Variants in MINDY2 observed in about 807,000 individuals in gnomAD.
The protein encoded by MINDY2 is ubiquitin carboxyl-terminal hydrolase MINDY-2.
A neutral mutation model predicts 68.2 loss-of-function variants in MINDY2; 52 were observed. The observed-to-expected ratio is 0.76, with a 90% CI of 0.61 to 0.96. The LOEUF (loss-of-function observed/expected upper bound fraction) is 0.96, where lower values mean the gene tolerates loss of function less well. Among genes scored for constraint, MINDY2 ranks in the 40% least tolerant of loss-of-function variants. MINDY2 has a pLI of 0.00. For missense variants in MINDY2, 881 were observed against 773.4 expected (o/e 1.14, Z -1.65); for synonymous variants, 372 against 303.0 (o/e 1.23, Z -2.36).
intron 3 of MINDY2, among the ~76,000 whole-genome samples, chr15:58,806,884 GT>G (rs1232893252): frequency 1.3e-5 from 2 of 152,170 alleles, no homozygotes; most frequent in African/African-American, 4.8e-5. Flanking sequence ...AAAATATGTT[GT>G]TTGGGGGGAA....
chr15:58,795,159 G>C (rs1427991517), intron 2 of MINDY2, among the ~76,000 whole-genome samples: 1 of 150,962 alleles, frequency 6.6e-6, no homozygotes, highest in Admixed American at 6.6e-5. Flanking sequence ...CTGGGCACCA[G>C]AGCGAGACTC....
chr15:58,854,824 A>G lies in MINDY2; in HGVS notation c.*214A>G. On this transcript the variant is annotated 3_prime_UTR_variant, in exon 9 of 9. Coordinates refer to ENST00000559228, the MANE Select transcript of MINDY2 (RefSeq NM_001040450.3). ...CTGGAGTTTCATGTTACAAGTTGGA[A>G]ATGCTGTGTGTTGACATTCATGAAA... The G allele has an allele frequency of 2.4e-6, 1 of 409,510 alleles. No individual in the cohort carries two copies. The highest frequency in any genetic ancestry group is 4.3e-6 in the Non-Finnish European group (1 of 234,024). The allele number at this position is 409,510 out of a possible 1,614,324, so 25.4% of individuals were successfully genotyped here. A position where few individuals can be genotyped will look rare whatever the true frequency, so the allele number is the denominator to read the frequency against.
intron 2 of MINDY2, among the ~76,000 whole-genome samples, chr15:58,800,483 C>T (rs1902568034): frequency 6.6e-6 from 1 of 152,152 alleles, no homozygotes; most frequent in Non-Finnish European, 1.5e-5. Flanking sequence ...CAAGTTTACT[C>T]ATTCAACCAT....
intron 6 of MINDY2, among the ~76,000 whole-genome samples, chr15:58,836,568 G>A (rs2032003090): frequency 6.6e-6 from 1 of 151,998 alleles, no homozygotes; most frequent in Non-Finnish European, 1.5e-5. Flanking sequence ...TGAGTCTTTA[G>A]ATAAGACACT....
intron 2 of MINDY2, among the ~76,000 whole-genome samples, chr15:58,793,764 GCTT>G (rs1902091158): frequency 6.6e-6 from 1 of 152,190 alleles, no homozygotes; most frequent in Non-Finnish European, 1.5e-5. Context: ...TCTCTTGAGT[GCTT>G]CTATTTTCTC....
At chr15:58,854,356 T>A in intron 8 of MINDY2, 126 bp from the exon 9 acceptor site, 1 of 987,772 alleles carries the variant, frequency 1.0e-6, no homozygotes, top group South Asian at 1.9e-5. Flanking sequence ...CAAATCTGTA[T>A]GCCAATAGCT....
chr15:58,773,575 G>T (rs1308737823), intron 1 of MINDY2, among the ~76,000 whole-genome samples: 1 of 152,112 alleles, frequency 6.6e-6, no homozygotes, highest in Non-Finnish European at 1.5e-5. Context: ...ACAAGTGGTA[G>T]GTAAACTGTG....
intron 6 of MINDY2, among the ~76,000 whole-genome samples, chr15:58,832,307 ACCTCTG>A (rs1321940024): frequency 1.3e-5 from 2 of 151,016 alleles, no homozygotes; most frequent in African/African-American, 4.9e-5. Flanking sequence ...GCTCACTGCA[ACCTCTG>A]CCTCCCAGGT....
At chr15:58,786,316 A>G (rs566491198) in intron 1 of MINDY2, among the ~76,000 whole-genome samples, 4 of 152,236 alleles carry the variant, frequency 2.6e-5, no homozygotes, top group Admixed American at 6.5e-5. Context: ...AAGAATTTTT[A>G]ACAATGTTAC....
At chr15:58,813,115 G>A (rs1219133083) in intron 4 of MINDY2, among the ~76,000 whole-genome samples, 1 of 152,166 alleles carries the variant, frequency 6.6e-6, no homozygotes, top group African/African-American at 2.4e-5. Flanking sequence ...CCAGATTGTT[G>A]CATCTATCAG....
In MINDY2 at chr15:58,827,090, C is replaced by T. The variant is rs138011425; in HGVS notation, c.1226-4684C>T. 1.3e-3 allele frequency among the ~76,000 whole-genome samples: 201 copies of T among 152,316 alleles called. 1 individual carries two copies. Among genetic ancestry groups the T allele is most frequent in the African/African-American group, 4.6e-3 (192 of 41,566 alleles). ...TTTGGCAGGGATGCTACGTAGGTGA[C>T]ATTGTGTCTTTCCCAGTGCATCAAA... is the stretch of plus-strand genomic sequence containing the variant. On this transcript the variant is annotated intron_variant, in intron 5 of 8. Transcript: ENST00000559228.
chr15:58,778,595 G>C (rs1224238733), intron 1 of MINDY2, among the ~76,000 whole-genome samples: 1 of 150,370 alleles, frequency 6.7e-6, no homozygotes, highest in East Asian at 1.9e-4. Flanking sequence ...TAAGGGAACT[G>C]TTTGCCAGAT....
chr15:58,796,663 A>G (rs780022153), intron 2 of MINDY2, among the ~76,000 whole-genome samples: 1 of 152,164 alleles, frequency 6.6e-6, no homozygotes, highest in Non-Finnish European at 1.5e-5. Context: ...AGCTGGGATT[A>G]TAGGCACCGC....
intron 6 of MINDY2, among the ~76,000 whole-genome samples, chr15:58,845,673 C>G (rs551304032): frequency 6.6e-6 from 1 of 152,280 alleles, no homozygotes; most frequent in South Asian, 2.1e-4. Context: ...AGCTGTTATA[C>G]AATCCGGCAA....
chr15:58,774,701 A>G (rs1900670329), intron 1 of MINDY2, among the ~76,000 whole-genome samples: 1 of 152,190 alleles, frequency 6.6e-6, no homozygotes, highest in Non-Finnish European at 1.5e-5. Context: ...CCTGTGAACT[A>G]GATCCAAAGG....
intron 4 of MINDY2, among the ~76,000 whole-genome samples, chr15:58,818,722 C>T (rs765785228): frequency 1.7e-4 from 25 of 145,644 alleles, no homozygotes; most frequent in Non-Finnish European, 3.5e-4. Flanking sequence ...TCACTGCAAC[C>T]TCCACCTCCC....
chr15:58,826,853 C>T (rs1272958563), intron 5 of MINDY2, among the ~76,000 whole-genome samples: 1 of 151,916 alleles, frequency 6.6e-6, no homozygotes, highest in Non-Finnish European at 1.5e-5. Flanking sequence ...CTTATTCCTT[C>T]CTCCCTCCCT....
intron 1 of MINDY2, among the ~76,000 whole-genome samples, chr15:58,787,668 C>T (rs1044965008): frequency 6.8e-5 from 10 of 147,888 alleles, no homozygotes; most frequent in Non-Finnish European, 1.2e-4. Flanking sequence ...ACCGGAGAGG[C>T]GCAGCTTGCA....
intron 4 of MINDY2, among the ~76,000 whole-genome samples, chr15:58,821,130 A>T (rs1179383951): frequency 2.0e-5 from 3 of 151,778 alleles, no homozygotes; most frequent in African/African-American, 7.2e-5. Context: ...CAAAGATTAA[A>T]TAAGAATCAT....
Sources: gnomAD v4.1 joint callset for allele counts (sites outside exome capture counted in the v4.1 genomes callset) on GRCh38, gnomAD v4.1.1 for gene constraint, MANE v1.5 for transcripts, NCBI Gene and HGNC (gene_info 2026-07-23, HGNC 2026-07-21) for gene names.